The following FCN2 variants were observed in gnomAD, a reference collection of about 807,000 sequenced individuals.
FCN2 encodes ficolin 2, also known as ficolin-2.
A neutral mutation model predicts 32.5 loss-of-function variants in FCN2; 31 were observed. The ratio of observed to expected loss-of-function variants is 0.96; its 90% CI spans 0.72 to 1.29. The LOEUF (loss-of-function observed/expected upper bound fraction) is 1.29. Among genes scored for constraint, FCN2 ranks in the 50% most tolerant of loss-of-function variants. The probability of loss-of-function intolerance (pLI) is 0.00; values close to 1 mark genes in which losing one functional copy is unlikely to be tolerated. For missense variants in FCN2, 412 were observed against 406.5 expected (o/e 1.01, Z -0.12); for synonymous variants, 181 against 164.5 (o/e 1.10, Z -0.77).
At chr9:134,884,292 C>T (rs1830710888) in intron 3 of FCN2, among the ~76,000 whole-genome samples, 1 of 152,130 alleles carries the variant, frequency 6.6e-6, no homozygotes, top group Non-Finnish European at 1.5e-5. Flanking sequence ...ATAAGACCAC[C>T]CTACACTCAC....
chr9:134,882,482 T>A (rs773739068), intron 1 of FCN2, 44 bp from the exon 2 acceptor site: 2 of 1,509,728 alleles, frequency 1.3e-6, no homozygotes, highest in South Asian at 2.2e-5. Flanking sequence ...AGTGGAGTCT[T>A]CAGGCCCAGG....
In FCN2 at chr9:134,886,294, G is replaced by A. The variant is rs76328175; in HGVS notation, c.560-136G>A. 2.7e-3 allele frequency: 2,730 copies of A among 1,025,396 alleles called. 36 individuals carry two copies. The African/African-American group carries it at 0.038, about 14-fold the overall frequency. 63.5% of individuals were successfully genotyped at this position (1,025,396 alleles called of 1,614,324 possible). On this transcript the variant is annotated intron_variant, in intron 6 of 7. Transcript: ENST00000291744. ...GCCGGGTCAGAGCTACACAGGCCCC[G>A]GGGATGCTGCGGTGCTCTCCGCCCT...
chr9:134,883,259 G>A (rs199762390), intron 2 of FCN2, 43 bp from the exon 3 acceptor site: 20 of 1,540,582 alleles, frequency 1.3e-5, no homozygotes, highest in Non-Finnish European at 1.6e-5. Flanking sequence ...TTTGATCCTG[G>A]GCTGGGCAGT....
At chr9:134,872,618 C>T in the FCN2 span, among the ~76,000 whole-genome samples, 5 of 152,110 alleles carry the variant, frequency 3.3e-5, no homozygotes, top group Non-Finnish European at 5.9e-5. Context: ...CACGTCTCGC[C>T]GGGCAGCAGA....
In FCN2 at chr9:134,882,569, TC is replaced by T; in HGVS notation, c.145del (p.Leu49SerfsTer51). The T allele has an allele frequency of 6.2e-7, 1 of 1,614,080 alleles. No homozygotes were observed. Among genetic ancestry groups the T allele is most frequent in the Non-Finnish European group, 8.5e-7 (1 of 1,180,000 alleles). On this transcript the variant is annotated frameshift_variant, in exon 2 of 8. Transcript: ENST00000291744. LOFTEE classifies it high-confidence loss of function. ...TGGAGGGCTCTGACAAGCTCACCAT[TC>T]TCCGAGGCTGTCCGGGGCTGCCTGG... Reference protein sequence around the residue: ...GLEGSDKLTILRGCPGLPGAP... With the variant: ...GLEGSDKLTIXRGCPGLPGAP...
chr9:134,870,737 C>T, the FCN2 span, among the ~76,000 whole-genome samples: 6 of 152,002 alleles, frequency 3.9e-5, no homozygotes, highest in Admixed American at 2.0e-4. The surrounding 1 kb of genome is among the most constrained non-coding windows in gnomAD (Gnocchi z 4.3). Context: ...GACTCTGAGT[C>T]GTCAGATGCT....
In FCN2 at chr9:134,881,515, C is replaced by T. The variant is rs77021007; in HGVS notation, c.100+594C>T. Reference sequence around the variant, plus strand: ...TCGGGTGCCAAACCATGGGCTCCGGCGCATGCGAGGGCAGGTTGAAAATGC... The same window carrying T: ...TCGGGTGCCAAACCATGGGCTCCGGTGCATGCGAGGGCAGGTTGAAAATGC... On this transcript the variant is annotated intron_variant, in intron 1 of 7. Coordinates refer to ENST00000291744, the MANE Select transcript of FCN2 (RefSeq NM_004108.3). Among the ~76,000 whole-genome samples, 873 of 152,250 alleles carry T rather than the reference C, an allele frequency of 5.7e-3. 9 individuals carry two copies. Among genetic ancestry groups the T allele is most frequent in the African/African-American group, 0.02 (810 of 41,528 alleles).
the FCN2 span, among the ~76,000 whole-genome samples, chr9:134,873,899 GT>G: frequency 1.5e-4 from 7 of 45,510 alleles, no homozygotes; most frequent in South Asian, 9.6e-4. Flanking sequence ...TTTGTTTTTT[GT>G]TTTTTTTTGT....
At chr9:134,867,286 T>C in the FCN2 span, among the ~76,000 whole-genome samples, 2 of 150,150 alleles carry the variant, frequency 1.3e-5, no homozygotes, top group Non-Finnish European at 3.0e-5. Context: ...GTGGCACATA[T>C]ACACCATGGA....
upstream of FCN2, chr9:134,880,679 A>G (rs1253431831): frequency 2.0e-5 from 14 of 715,108 alleles, no homozygotes; most frequent in African/African-American, 3.5e-5. Context: ...CCTGGAGATG[A>G]TCTCGCACCT....
intron 3 of FCN2, among the ~76,000 whole-genome samples, chr9:134,883,903 G>A (rs577704245): frequency 1.1e-4 from 17 of 149,120 alleles, no homozygotes; most frequent in African/African-American, 4.0e-4. Flanking sequence ...AAGGTTTTCA[G>A]TGCAGGAGCA....
At chr9:134,871,801 A>G in the FCN2 span, among the ~76,000 whole-genome samples, 1 of 152,178 alleles carries the variant, frequency 6.6e-6, no homozygotes, top group African/African-American at 2.4e-5. Flanking sequence ...TGTACTTGAC[A>G]TTGAATAAGC....
In FCN2 at chr9:134,887,444, TC is replaced by T; in HGVS notation, c.*31del. ...AGGCCGGCCTCAGGGTCAGGACGCC[TC>T]CACACATAGTTGGTTGGGGGGTAGG... On this transcript the variant is annotated 3_prime_UTR_variant, in exon 8 of 8. Transcript: ENST00000291744. 6.2e-7 allele frequency: 1 copy of T among 1,607,346 alleles called. No homozygotes were observed. Among genetic ancestry groups the T allele is most frequent in the Non-Finnish European group, 8.5e-7 (1 of 1,174,360 alleles).
rs73565996 is a variant in FCN2 at position 134,886,400 on chromosome 9, C to T, written c.560-30C>T. ...CATGTCTAAAGGTAGAGAGCCCTTC[C>T]GCTGAGACCCTGAAACCTTTCTCTA... On this transcript the variant is annotated intron_variant, in intron 6 of 7. Transcript: ENST00000291744. The T allele has an allele frequency of 2.7e-3, 4,352 of 1,613,932 alleles. 116 individuals carry two copies. In the African/African-American group the frequency reaches 0.05, roughly 19 times the overall value.
At chr9:134,882,807 G>C (rs1830684500) in intron 2 of FCN2, among the ~76,000 whole-genome samples, 168 bp downstream of exon 2, 1 of 152,206 alleles carries the variant, frequency 6.6e-6, no homozygotes, top group African/African-American at 2.4e-5. Flanking sequence ...GACATGGAGG[G>C]AGCGTCTTTC....
chr9:134,870,654 C>A, the FCN2 span, among the ~76,000 whole-genome samples: 1 of 152,176 alleles, frequency 6.6e-6, no homozygotes, highest in Non-Finnish European at 1.5e-5. This position sits in a 1 kb window ranked among gnomAD's most constrained non-coding sequence, Gnocchi z 4.3. Flanking sequence ...GGACAGCCAG[C>A]CCACCACTGA....
chr9:134,882,588 C>A lies in FCN2; in HGVS notation c.163C>A (p.Leu55Met). ...CACCATTCTCCGAGGCTGTCCGGGG[C>A]TGCCTGGGGCCCCTGGGCCCAAGGG... ...KLTILRGCPG[L>M]PGAPGPKGEA... The change falls in exon 2 of 8, where the codon CTG becomes ATG. Residue 55 changes from leucine to methionine, a missense_variant. Transcript: ENST00000291744. 6.2e-7 allele frequency: 1 copy of A among 1,614,164 alleles called. No homozygotes were observed. The highest frequency in any genetic ancestry group is 8.5e-7 in the Non-Finnish European group (1 of 1,180,020).
At chr9:134,880,297 G>T (rs1319740035), upstream of FCN2, among the ~76,000 whole-genome samples, 1 of 152,124 alleles carries the variant, frequency 6.6e-6, no homozygotes, top group East Asian at 1.9e-4. Context: ...CACCCTGGCA[G>T]CCTGCCTGGA....
upstream of FCN2, among the ~76,000 whole-genome samples, chr9:134,879,836 A>G (rs3124952): frequency 0.58 from 87,852 of 152,006 alleles, 26,841 homozygotes; most frequent in East Asian, 0.91. Context: ...TCCCGATGGC[A>G]GCAGGTGGCA....
Sources: allele counts gnomAD v4.1 joint callset (sites outside exome capture counted in the v4.1 genomes callset), GRCh38; gene constraint gnomAD v4.1.1; non-coding constraint Gnocchi (gnomAD v3.1); transcripts MANE v1.5; gene names NCBI Gene and HGNC (gene_info 2026-07-23, HGNC 2026-07-21).